The following AKAP13 variants were observed in gnomAD, a reference collection of about 807,000 sequenced individuals.
AKAP13 encodes A-kinase anchoring protein 13.
A neutral mutation model predicts 264.5 loss-of-function variants in AKAP13; 80 were observed. The ratio of observed to expected loss-of-function variants is 0.30; its 90% CI spans 0.25 to 0.36. The LOEUF is 0.36. AKAP13 is among the 10% of genes least tolerant of loss of function. AKAP13 has a pLI of 1.00. For missense variants in AKAP13, 3,712 were observed against 3,435.2 expected (o/e 1.08, Z -2.01); for synonymous variants, 1,380 against 1,250.2 (o/e 1.10, Z -2.19).
At chr15:85,436,385 A>C (rs941723638) in intron 1 of AKAP13, among the ~76,000 whole-genome samples, 22 of 127,370 alleles carry the variant, frequency 1.7e-4, no homozygotes, top group African/African-American at 6.4e-4. Context: ...TTAACACCCC[A>C]CTGTCAACAT....
chr15:85,551,337 G>A (rs1002489786), intron 5 of AKAP13, among the ~76,000 whole-genome samples: 1 of 152,148 alleles, frequency 6.6e-6, no homozygotes, highest in Non-Finnish European at 1.5e-5. Flanking sequence ...TATTGTATTC[G>A]TTGCTAGGTA....
intron 4 of AKAP13, chr15:85,537,043 G>A (rs1455952695): frequency 6.6e-6 from 1 of 152,236 alleles, no homozygotes; most frequent in East Asian, 1.9e-4. Flanking sequence ...ATGCATGCAA[G>A]TGACTTGATA....
chr15:85,655,439 G>T lies in AKAP13; in HGVS notation c.4397G>T (p.Cys1466Phe), dbSNP rs1345722609. 1 of 1,613,918 alleles carries T rather than the reference G, an allele frequency of 6.2e-7. No homozygotes were observed. Among genetic ancestry groups the T allele is most frequent in the Non-Finnish European group, 8.5e-7 (1 of 1,179,918 alleles). The part of the protein sequence containing the change: ...FPKPEEEHLA[C>F]DITGSSSSTD... ...CAGCCAGAGGAAGAGCATTTGGCCTGTGATATCACCGGATCCAGTTCATCC... is the reference window on the plus strand; with the variant it reads ...CAGCCAGAGGAAGAGCATTTGGCCTTTGATATCACCGGATCCAGTTCATCC... Residue 1466 changes from cysteine (C) to phenylalanine (F), a missense_variant, in exon 11 of 37, where the codon TGT becomes TTT. Around this residue, in one of 3 missense-constraint regions of AKAP13, gnomAD observed 2,759 missense variants for 2,411.7 expected, o/e 1.14. Transcript: ENST00000394518.
At chr15:85,555,290 T>C in intron 5 of AKAP13, 1 of 225,528 alleles carries the variant, frequency 4.4e-6, no homozygotes, top group Non-Finnish European at 7.4e-6. Flanking sequence ...ACTATTATGG[T>C]GATGTGGTTT....
intron 2 of AKAP13, chr15:85,520,527 C>CAAA: frequency 4.3e-5 from 11 of 255,154 alleles, no homozygotes; most frequent in East Asian, 1.0e-4. Context: ...AAAAAAGCAA[C>CAAA]TGAAAGACAA....
chr15:85,582,860 G>A, intron 7 of AKAP13: 9 of 985,514 alleles, frequency 9.1e-6, no homozygotes, highest in Non-Finnish European at 1.1e-5. Flanking sequence ...TCACAGGGCA[G>A]ACCTTGTGTC....
chr15:85,413,048 C>T (rs779273430), intron 1 of AKAP13, among the ~76,000 whole-genome samples: 1 of 152,156 alleles, frequency 6.6e-6, no homozygotes, highest in Non-Finnish European at 1.5e-5. Flanking sequence ...TGAAAGCCTG[C>T]GCTTTTCATC....
chr15:85,631,234 G>A (rs972404351), intron 8 of AKAP13, among the ~76,000 whole-genome samples: 1 of 152,118 alleles, frequency 6.6e-6, no homozygotes, highest in African/African-American at 2.4e-5. Flanking sequence ...CAAATTTGTA[G>A]AGATAGAAAT....
At chr15:85,673,710 T>A (rs1189319934) in intron 14 of AKAP13, among the ~76,000 whole-genome samples, 1 of 128,062 alleles carries the variant, frequency 7.8e-6, no homozygotes, top group East Asian at 2.8e-4. Flanking sequence ...CAGAACAGAA[T>A]CTTGCTCTGT....
chr15:85,500,355 C>T (rs1274547730), intron 2 of AKAP13, among the ~76,000 whole-genome samples: 1 of 152,154 alleles, frequency 6.6e-6, no homozygotes, highest in Non-Finnish European at 1.5e-5. Context: ...TTTTATTGGT[C>T]TGACAAACCT....
intron 2 of AKAP13, among the ~76,000 whole-genome samples, chr15:85,487,437 T>C (rs1423976511): frequency 6.6e-6 from 1 of 152,256 alleles, no homozygotes; most frequent in Non-Finnish European, 1.5e-5. Context: ...CATTCCCTTC[T>C]ATTCCTAGTT....
At chr15:85,384,716 GAAA>G in intron 1 of AKAP13, among the ~76,000 whole-genome samples, 1 of 113,848 alleles carries the variant, frequency 8.8e-6, no homozygotes, top group African/African-American at 3.7e-5. Context: ...GACTCCGTCT[GAAA>G]AAAAAAAAAA....
rs1567029886 is a variant in AKAP13, at chr15:85,382,201, G to A, written c.-12+1403G>A. 2.0e-5 allele frequency: 3 copies of A among 152,190 alleles called. No homozygotes were observed. The South Asian group carries it at 6.2e-4, about 32-fold the overall frequency. 9.4% of individuals were successfully genotyped at this position (152,190 alleles called of 1,614,324 possible). A position where few individuals can be genotyped will look rare whatever the true frequency, so the allele number is the denominator to read the frequency against. The stretch of plus-strand genomic sequence containing the variant: ...AGAGTGTCATTTATTGTTAACTTCA[G>A]TTGTATTCCTTTACCATCTGCTAAA... On this transcript the variant is annotated intron_variant, in intron 1 of 36. Transcript: ENST00000394518.
intron 8 of AKAP13, among the ~76,000 whole-genome samples, chr15:85,586,158 C>A (rs1237650978): frequency 6.6e-6 from 1 of 151,582 alleles, no homozygotes; most frequent in Non-Finnish European, 1.5e-5. Flanking sequence ...ATCTATAGAC[C>A]TTTTCTTTCT....
At chr15:85,685,868 C>A (rs1218694019) in intron 16 of AKAP13, among the ~76,000 whole-genome samples, 1 of 152,132 alleles carries the variant, frequency 6.6e-6, no homozygotes, top group African/African-American at 2.4e-5. Context: ...TGAAAATCTC[C>A]TGGAATAACC....
chr15:85,471,554 A>G (rs560709365), intron 1 of AKAP13, among the ~76,000 whole-genome samples: 4 of 152,346 alleles, frequency 2.6e-5, no homozygotes, highest in East Asian at 1.9e-4. Flanking sequence ...TTTAAACACA[A>G]TAAAATTCAC....
At chr15:85,625,055 G>A (rs1280509156) in intron 8 of AKAP13, among the ~76,000 whole-genome samples, 3 of 152,178 alleles carry the variant, frequency 2.0e-5, no homozygotes, top group Admixed American at 6.5e-5. Flanking sequence ...CAATGACTAT[G>A]TTTTGTAGCT....
At chr15:85,604,899 G>A (rs2151376855) in intron 8 of AKAP13, among the ~76,000 whole-genome samples, 1 of 152,272 alleles carries the variant, frequency 6.6e-6, no homozygotes, top group South Asian at 2.1e-4. Flanking sequence ...TAAACCATAT[G>A]CTAAGCTCTT....
In AKAP13 at chr15:85,402,092, C is replaced by T. The variant is rs182199593; in HGVS notation, c.-12+21294C>T. On this transcript the variant is annotated intron_variant, in intron 1 of 36. Coordinates refer to ENST00000394518, the MANE Select transcript of AKAP13 (RefSeq NM_007200.5). ...CTCAATTCTCCCATCAAAAATGAAA[C>T]GGTTAAACTGTATCAGGTTTTTGTT... 6.0e-4 allele frequency among the ~76,000 whole-genome samples: 92 copies of T among 152,240 alleles called. 3 individuals are homozygous for T. The South Asian group carries it at 0.018, about 30-fold the overall frequency.
Sources: allele counts gnomAD v4.1 joint callset (sites outside exome capture counted in the v4.1 genomes callset), GRCh38; gene constraint gnomAD v4.1.1; regional missense constraint gnomAD v4.1.1; transcripts MANE v1.5; gene names NCBI Gene and HGNC (gene_info 2026-07-23, HGNC 2026-07-21).